RALYL: variants seen among roughly 807,000 people sequenced by gnomAD.
The protein encoded by RALYL is RALY RNA binding protein like, also known as RNA-binding Raly-like protein.
In RALYL, 29 loss-of-function variants were observed where a neutral mutation model predicts 35.1. The observed-to-expected ratio is 0.83, with a 90% CI of 0.61 to 1.13. The LOEUF is 1.13. Ranked by LOEUF, RALYL falls within the 50% of genes most tolerant of loss-of-function variation. The pLI, the probability that RALYL is intolerant of heterozygous loss-of-function variation, is 0.00. For missense variants in RALYL, 359 were observed against 360.4 expected (o/e 1.00, Z 0.03); for synonymous variants, 120 against 127.6 (o/e 0.94, Z 0.40).
chr8:84,278,741 G>C (rs59138295), intron 1 of RALYL, among the ~76,000 whole-genome samples: 12,095 of 152,116 alleles, frequency 0.08, 545 homozygotes, highest in East Asian at 0.12. Flanking sequence ...CTAACAAATT[G>C]TTCATCTCCA....
intron 1 of RALYL, among the ~76,000 whole-genome samples, chr8:84,267,960 T>C (rs1376367849): frequency 6.6e-6 from 1 of 152,246 alleles, no homozygotes; most frequent in Non-Finnish European, 1.5e-5. Context: ...ATTTGTTTTA[T>C]TTTACTGAAT....
chr8:84,281,273 C>G (rs1308038382), intron 1 of RALYL, among the ~76,000 whole-genome samples: 1 of 152,100 alleles, frequency 6.6e-6, no homozygotes, highest in Non-Finnish European at 1.5e-5. Flanking sequence ...GATACATGAA[C>G]AAACATGAGG....
At chr8:84,225,578 A>T (rs1386366602) in intron 1 of RALYL, among the ~76,000 whole-genome samples, 1 of 152,090 alleles carries the variant, frequency 6.6e-6, no homozygotes, top group Non-Finnish European at 1.5e-5. Flanking sequence ...AATATTGGCT[A>T]TTTCTCTCTC....
intron 1 of RALYL, among the ~76,000 whole-genome samples, chr8:84,256,676 C>G (rs1831271709): frequency 6.6e-6 from 1 of 152,036 alleles, no homozygotes; most frequent in South Asian, 2.1e-4. Context: ...AATGAGTTAA[C>G]CTCTTTGTGT....
chr8:84,489,833 A>G (rs1467507548), intron 1 of RALYL, among the ~76,000 whole-genome samples: 1 of 152,078 alleles, frequency 6.6e-6, no homozygotes, highest in Non-Finnish European at 1.5e-5. Context: ...CATGGAAATA[A>G]ACAAGTGTTG....
intron 2 of RALYL, among the ~76,000 whole-genome samples, chr8:84,533,618 T>G (rs1750521332): frequency 6.6e-6 from 1 of 152,200 alleles, no homozygotes; most frequent in Non-Finnish European, 1.5e-5. Flanking sequence ...AGCAATCATT[T>G]TTGTTCTGAA....
intron 1 of RALYL, among the ~76,000 whole-genome samples, chr8:84,300,507 G>A (rs752180178): frequency 3.6e-4 from 54 of 151,984 alleles, no homozygotes; most frequent in East Asian, 9.7e-4. Flanking sequence ...AGATTTCTGC[G>A]TTGGGGATCT....
chr8:84,210,640 A>G (rs930425345), intron 1 of RALYL, among the ~76,000 whole-genome samples: 2 of 152,128 alleles, frequency 1.3e-5, no homozygotes, highest in African/African-American at 2.4e-5. Flanking sequence ...ACAGTGTTTT[A>G]TTTTATACAT....
At chr8:84,867,501 C>T (rs1839385889) in intron 6 of RALYL, among the ~76,000 whole-genome samples, 1 of 152,136 alleles carries the variant, frequency 6.6e-6, no homozygotes, top group Non-Finnish European at 1.5e-5. Flanking sequence ...AGAAATGCTA[C>T]AGTTCAGAGA....
chr8:84,698,740 A>C (rs1839629951), intron 2 of RALYL, among the ~76,000 whole-genome samples: 1 of 152,134 alleles, frequency 6.6e-6, no homozygotes, highest in African/African-American at 2.4e-5. Flanking sequence ...ATCAGCCAGG[A>C]AAAGAGGAAG....
At chr8:84,912,421 T>C (rs565117015) in intron 8 of RALYL, among the ~76,000 whole-genome samples, 34 of 152,072 alleles carry the variant, frequency 2.2e-4, no homozygotes, top group Non-Finnish European at 4.9e-4. Flanking sequence ...CAAAAAAGCA[T>C]TGTTCATCAC....
Position 84,721,622 on chromosome 8 carries a change from A to G in RALYL, c.257-52957A>G, listed in dbSNP as rs555566093. On this transcript the variant is annotated intron_variant, in intron 2 of 8. Transcript: ENST00000521268. ...TCAATTTTGCATCAGTTAGAGGAACAAATTGTTTTTCCACAGATTTGTAGC... is the reference window on the plus strand; with the variant it reads ...TCAATTTTGCATCAGTTAGAGGAACGAATTGTTTTTCCACAGATTTGTAGC... Among the ~76,000 whole-genome samples the G allele has an allele frequency of 2.0e-5, 3 of 152,288 alleles. No individual in the cohort carries two copies. The South Asian group carries it at 6.2e-4, about 32-fold the overall frequency.
At chr8:84,728,062 A>G (rs1357895249) in intron 2 of RALYL, among the ~76,000 whole-genome samples, 1 of 151,702 alleles carries the variant, frequency 6.6e-6, no homozygotes, top group Non-Finnish European at 1.5e-5. Context: ...GACTTCCACA[A>G]GGGTTGAACT....
intron 2 of RALYL, among the ~76,000 whole-genome samples, chr8:84,536,671 G>A (rs1445117126): frequency 6.6e-6 from 1 of 152,152 alleles, no homozygotes; most frequent in African/African-American, 2.4e-5. Flanking sequence ...GTAATAAATA[G>A]CACTTTCAGC....
At chr8:84,220,010 C>T (rs1018697441) in intron 1 of RALYL, among the ~76,000 whole-genome samples, 3 of 151,928 alleles carry the variant, frequency 2.0e-5, no homozygotes, top group Non-Finnish European at 4.4e-5. Context: ...TTTTAGATGC[C>T]TGATGTCCCT....
At chr8:84,356,615 C>G (rs1225603354) in intron 1 of RALYL, among the ~76,000 whole-genome samples, 1 of 150,176 alleles carries the variant, frequency 6.7e-6, no homozygotes, top group African/African-American at 2.5e-5. Context: ...GTCTACCCAG[C>G]CATGGCCTCT....
intron 2 of RALYL, among the ~76,000 whole-genome samples, chr8:84,673,339 A>G (rs971007007): frequency 2.0e-5 from 3 of 152,112 alleles, no homozygotes; most frequent in Admixed American, 6.6e-5. Flanking sequence ...CTCTGTTGGT[A>G]GTTTCTTTTG....
intron 1 of RALYL, among the ~76,000 whole-genome samples, chr8:84,292,683 C>T (rs772513482): frequency 5.9e-5 from 9 of 152,204 alleles, no homozygotes; most frequent in East Asian, 5.8e-4. Flanking sequence ...CTCTCACCAG[C>T]GCCATGACAG....
chr8:84,196,654 TAG>T (rs1307178316), intron 1 of RALYL, among the ~76,000 whole-genome samples: 3 of 152,176 alleles, frequency 2.0e-5, no homozygotes, highest in Non-Finnish European at 2.9e-5. Flanking sequence ...AGTGCAAATA[TAG>T]AGTGTTCATA....
Sources: allele counts gnomAD v4.1 joint callset (sites outside exome capture counted in the v4.1 genomes callset), GRCh38; gene constraint gnomAD v4.1.1; transcripts MANE v1.5; gene names NCBI Gene and HGNC (gene_info 2026-07-23, HGNC 2026-07-21).